Variants in OS9 observed in about 807,000 individuals in gnomAD.
The protein encoded by OS9 is protein OS-9.
A neutral mutation model predicts 84.7 loss-of-function variants in OS9; 58 were observed. That is an observed-to-expected ratio of 0.68 (90% CI 0.55 to 0.85). The LOEUF (loss-of-function observed/expected upper bound fraction) is 0.85, where lower values mean the gene tolerates loss of function less well. OS9 is among the 40% of genes least tolerant of loss of function. The probability of loss-of-function intolerance (pLI) is 0.00; values close to 1 mark genes in which losing one functional copy is unlikely to be tolerated. For missense variants in OS9, 760 were observed against 850.9 expected, an observed-to-expected ratio of 0.89 and a Z score of 1.33; for synonymous variants, 278 against 320.8, an observed-to-expected ratio of 0.87 and a Z score of 1.43.
Position 57,718,365 on chromosome 12 carries a change from C to T in OS9, c.1354C>T (p.Leu452Phe), listed in dbSNP as rs1433876461. The change falls in exon 11 of 15, where the codon CTC (leucine) becomes TTC (phenylalanine). Residue 452 changes from leucine (L) to phenylalanine (F), a missense_variant. Coordinates refer to ENST00000315970, the MANE Select transcript of OS9 (RefSeq NM_006812.4). ...CCTGCTTCCGTCAGACCGAGACCGG[C>T]TCCGTTCGGAGGTGAAGGCTGGCAT... Reference protein sequence around the residue: ...GILLPSDRDRLRSEVKAGMER... With the variant: ...GILLPSDRDRFRSEVKAGMER... 5.1e-5 allele frequency: 83 copies of T among 1,614,088 alleles called. No homozygotes were observed. Among genetic ancestry groups the T allele is most frequent in the Non-Finnish European group, 6.9e-5 (81 of 1,180,050 alleles).
At chr12:57,705,240 C>G (rs1326587844) in intron 5 of OS9, among the ~76,000 whole-genome samples, 7 of 152,064 alleles carry the variant, frequency 4.6e-5, no homozygotes, top group Non-Finnish European at 8.8e-5. Flanking sequence ...TGTTAAAACT[C>G]CTTTTGGGGA....
At position 57,716,676 on chromosome 12, in the gene OS9, C is replaced by G. The variant is rs762332998; in HGVS notation, c.994-17C>G. 2 of 1,613,508 alleles carry G rather than the reference C, an allele frequency of 1.2e-6. No homozygotes were observed. The highest frequency in any genetic ancestry group is 1.7e-6 in the Non-Finnish European group (2 of 1,179,436). ...AACAGGCTTTCATACTTGACTCTCT[C>G]CTTTTCTCCTCGTCAGGAGCAGGAC... On this transcript the variant is annotated splice_polypyrimidine_tract_variant and intron_variant, in intron 8 of 14. Coordinates refer to ENST00000315970, the MANE Select transcript of OS9 (RefSeq NM_006812.4).
intron 5 of OS9, among the ~76,000 whole-genome samples, chr12:57,703,721 T>C (rs1465480498): frequency 2.0e-5 from 3 of 152,132 alleles, no homozygotes; most frequent in Admixed American, 6.6e-5. Context: ...AATATTGTTA[T>C]GGATATTTGG....
chr12:57,713,693 C>A (rs927577031), intron 5 of OS9, among the ~76,000 whole-genome samples: 1 of 150,928 alleles, frequency 6.6e-6, no homozygotes, highest in Non-Finnish European at 1.5e-5. Context: ...CACCGCCCCA[C>A]CCCACTTTTT....
At chr12:57,712,900 A>G (rs1954373579) in intron 5 of OS9, among the ~76,000 whole-genome samples, 1 of 151,820 alleles carries the variant, frequency 6.6e-6, no homozygotes, top group East Asian at 1.9e-4. Flanking sequence ...TTGTTAAGCC[A>G]TCTGCCTCTG....
chr12:57,700,226 T>C (rs1337772812), intron 5 of OS9, among the ~76,000 whole-genome samples: 1 of 151,782 alleles, frequency 6.6e-6, no homozygotes, highest in Admixed American at 6.6e-5. Context: ...CATTCTGTGG[T>C]TGGTGTGTGT....
At chr12:57,704,157 A>C (rs192047636) in intron 5 of OS9, among the ~76,000 whole-genome samples, 3 of 152,368 alleles carry the variant, frequency 2.0e-5, no homozygotes, top group Admixed American at 2.0e-4. Flanking sequence ...TGAATCCAAC[A>C]TAAATCATGA....
At position 57,715,781 on chromosome 12, in the gene OS9, G is replaced by C. The variant is rs1459899282; in HGVS notation, c.601G>C (p.Gly201Arg). 6.2e-7 allele frequency: 1 copy of C among 1,610,648 alleles called. No homozygotes were observed. The highest frequency in any genetic ancestry group is 2.2e-5 in the East Asian group (1 of 44,834). ...GCAGTTCCTCTGTGACGAGGGTGCA[G>C]GTATCTCTGGGGACTACATCGATCG... ...EVRFLCDEGAGISGDYIDRVD... is the reference protein window; with the variant it reads ...EVRFLCDEGARISGDYIDRVD... Residue 201 changes from glycine to arginine, a missense_variant, in exon 6 of 15, where the codon GGT becomes CGT. Gly to Arg is a moderately radical substitution (Grantham distance 125). Coordinates refer to ENST00000315970, the MANE Select transcript of OS9 (RefSeq NM_006812.4).
chr12:57,718,484 T>C, intron 11 of OS9, 63 bp downstream of exon 11: 1 of 1,548,262 alleles, frequency 6.5e-7, no homozygotes, highest in Non-Finnish European at 8.8e-7. Flanking sequence ...CAGGACAGGC[T>C]GACGGGCTAA....
At chr12:57,697,448 A>G (rs551129456) in intron 5 of OS9, among the ~76,000 whole-genome samples, 29 of 152,338 alleles carry the variant, frequency 1.9e-4, no homozygotes, top group African/African-American at 2.6e-4. Context: ...GGTAGAGCCA[A>G]TGAGATTTGT....
Position 57,694,190 on chromosome 12 carries a change from T to G in OS9, c.29T>G (p.Leu10Trp). The change falls in exon 1 of 15, where the codon TTG (leucine) becomes TGG (tryptophan). Residue 10 changes from leucine to tryptophan, a missense_variant. Leu to Trp is a moderately conservative substitution (Grantham distance 61). Transcript: ENST00000315970. Reference sequence around the variant, plus strand: ...GCGGCGGAAACGCTGCTGTCCAGTTTGTTAGGACTGCTGCTTCTGGGACTC... The same window carrying G: ...GCGGCGGAAACGCTGCTGTCCAGTTGGTTAGGACTGCTGCTTCTGGGACTC... Reference protein sequence around the residue: MAAETLLSSLLGLLLLGLLL... With the variant: MAAETLLSSWLGLLLLGLLL... The G allele has an allele frequency of 6.2e-7, 1 of 1,614,112 alleles. No homozygotes were observed. The highest frequency in any genetic ancestry group is 8.5e-7 in the Non-Finnish European group (1 of 1,180,010).
chr12:57,712,380 C>T (rs1595055586), intron 5 of OS9, among the ~76,000 whole-genome samples: 2 of 152,180 alleles, frequency 1.3e-5, no homozygotes, highest in South Asian at 2.1e-4. Flanking sequence ...TCACTGGTTA[C>T]TTAATGAGTA....
At chr12:57,695,545 A>C (rs1953800389) in intron 2 of OS9, 1 of 694,884 alleles carries the variant, frequency 1.4e-6, no homozygotes. Context: ...TTTAAAAGGG[A>C]GGAATGGAAA....
intron 5 of OS9, among the ~76,000 whole-genome samples, chr12:57,704,847 C>G (rs1782598475): frequency 6.6e-6 from 1 of 152,010 alleles, no homozygotes; most frequent in African/African-American, 2.4e-5. Context: ...TACTATTCAT[C>G]TGTTTTTTTC....
At chr12:57,696,734 T>C (rs944841529) in intron 5 of OS9, among the ~76,000 whole-genome samples, 5 of 151,630 alleles carry the variant, frequency 3.3e-5, no homozygotes, top group Non-Finnish European at 7.4e-5. Context: ...AGGCGGACGT[T>C]GCAGTGAGCC....
At chr12:57,719,271 C>T (rs1368203572) in intron 12 of OS9, 89 bp downstream of exon 12, 2 of 1,142,492 alleles carry the variant, frequency 1.8e-6, no homozygotes, top group Non-Finnish European at 2.5e-6. Context: ...CTGTTCCTTC[C>T]CTTCTGAGGG....
At chr12:57,695,016 G>C (rs975001548) in intron 2 of OS9, 90 bp downstream of exon 2, 53 of 1,199,126 alleles carry the variant, frequency 4.4e-5, no homozygotes, top group Non-Finnish European at 5.8e-5. Flanking sequence ...AGGATCTAGG[G>C]GACCTGTAGT....
At chr12:57,716,283 G>GC (rs1038714812) in intron 7 of OS9, 90 bp downstream of exon 7, 14 of 766,008 alleles carry the variant, frequency 1.8e-5, no homozygotes, top group African/African-American at 5.3e-5. Flanking sequence ...GTGGGGTGGG[G>GC]GGGGGTGGAA....
chr12:57,719,911 TGGAG>T (rs976434335), intron 12 of OS9, 184 bp from the exon 13 acceptor site: 2 of 555,892 alleles, frequency 3.6e-6, no homozygotes, highest in Admixed American at 6.5e-5. Context: ...CTGCAATTGG[TGGAG>T]GGAGCTCTAC....
Sources: gnomAD v4.1 joint callset for allele counts (sites outside exome capture counted in the v4.1 genomes callset) on GRCh38, gnomAD v4.1.1 for gene constraint, MANE v1.5 for transcripts, NCBI Gene and HGNC (gene_info 2026-07-23, HGNC 2026-07-21) for gene names.